Variants in TMPRSS15 observed in about 807,000 individuals in gnomAD.
The protein encoded by TMPRSS15 is enteropeptidase.
Under a neutral mutation model 125.3 loss-of-function variants are expected in TMPRSS15, and 128 were observed. The observed-to-expected ratio is 1.02, with a 90% CI of 0.89 to 1.18. The LOEUF is 1.18. TMPRSS15 is among the 50% of genes most tolerant of loss of function. TMPRSS15 has a pLI of 0.00. For missense variants in TMPRSS15, 1,283 were observed against 1,212.7 expected, an observed-to-expected ratio of 1.06 and a Z score of -0.86; for synonymous variants, 446 against 423.2, an observed-to-expected ratio of 1.05 and a Z score of -0.66.
intron 1 of TMPRSS15, among the ~76,000 whole-genome samples, chr21:18,473,237 G>A (rs1328632054): frequency 1.4e-4 from 22 of 152,014 alleles, no homozygotes; most frequent in Admixed American, 1.4e-3. Context: ...AGACAAGGGA[G>A]GTCATTGGCC....
chr21:18,363,234 C>T (rs1363760554), intron 7 of TMPRSS15, among the ~76,000 whole-genome samples: 1 of 152,032 alleles, frequency 6.6e-6, no homozygotes, highest in Non-Finnish European at 1.5e-5. Context: ...ATAAAGTACA[C>T]TGTTTTGGGG....
intron 1 of TMPRSS15, among the ~76,000 whole-genome samples, chr21:18,442,671 C>A (rs898633187): frequency 2.6e-5 from 4 of 152,152 alleles, no homozygotes; most frequent in African/African-American, 7.2e-5. Flanking sequence ...TCAAGGACAT[C>A]CAGCTAGTTG....
chr21:18,410,014 C>T lies in TMPRSS15; in HGVS notation c.11-11685G>A, dbSNP rs139435120. 7.3e-3 allele frequency among the ~76,000 whole-genome samples: 1,098 copies of T among 149,662 alleles called. 19 individuals are homozygous for T. Among genetic ancestry groups the T allele is most frequent in the African/African-American group, 0.024 (994 of 40,614 alleles). On this transcript the variant is annotated intron_variant, in intron 1 of 7. Transcript: ENST00000422787. ...TTCTTTCCATCTGGTTCATGCTTGT[C>T]GTAGTCCTACCTGTGTTATTTTTCA...
At chr21:18,461,811 A>G (rs2123275344) in intron 1 of TMPRSS15, among the ~76,000 whole-genome samples, 1 of 152,224 alleles carries the variant, frequency 6.6e-6, no homozygotes, top group Admixed American at 6.5e-5. Flanking sequence ...GTTATCAACG[A>G]TCTTTGGATA....
chr21:18,325,320 C>T (rs994287018), intron 16 of TMPRSS15, among the ~76,000 whole-genome samples: 6 of 151,804 alleles, frequency 4.0e-5, no homozygotes, highest in Non-Finnish European at 2.9e-5. Flanking sequence ...CCAGATTAAT[C>T]GATTGAGCTA....
At chr21:18,454,315 A>G (rs914372553) in intron 1 of TMPRSS15, among the ~76,000 whole-genome samples, 2 of 152,174 alleles carry the variant, frequency 1.3e-5, no homozygotes, top group South Asian at 2.1e-4. Context: ...AAGGATTCCA[A>G]CTAAGTTCTT....
chr21:18,269,870 G>GTAAC lies in TMPRSS15; in HGVS notation c.*95_*98dup. On this transcript the variant is annotated 3_prime_UTR_variant, in exon 25 of 25. Coordinates refer to ENST00000284885, the MANE Select transcript of TMPRSS15 (RefSeq NM_002772.3). ...ACATAGGTAAGAATAAAAACCTTTG[G>GTAAC]TAACTTTTTAAAATTTTTGTACGAA... is the stretch of plus-strand genomic sequence containing the variant. 3 of 1,470,408 alleles carry GTAAC rather than the reference G, an allele frequency of 2.0e-6. No individual in the cohort carries two copies. The highest frequency in any genetic ancestry group is 2.4e-5 in the South Asian group (2 of 81,732). 91.1% of individuals were successfully genotyped at this position (1,470,408 alleles called of 1,614,324 possible).
chr21:18,369,655 A>G (rs1442256250), intron 6 of TMPRSS15, among the ~76,000 whole-genome samples: 1 of 149,498 alleles, frequency 6.7e-6, no homozygotes, highest in Non-Finnish European at 1.5e-5. Flanking sequence ...AATCAATAAG[A>G]GAGAGAGAGA....
At chr21:18,443,140 A>G (rs2076246446) in intron 1 of TMPRSS15, among the ~76,000 whole-genome samples, 1 of 152,188 alleles carries the variant, frequency 6.6e-6, no homozygotes, top group African/African-American at 2.4e-5. Flanking sequence ...CAGAGAAACA[A>G]GAGATGAGGA....
Position 18,359,803 on chromosome 21 carries a change from A to G in TMPRSS15, c.834T>C (p.Asp278=). 1 of 1,521,476 alleles carries G rather than the reference A, an allele frequency of 6.6e-7. No individual in the cohort carries two copies. The highest frequency in any genetic ancestry group is 9.1e-7 in the Non-Finnish European group (1 of 1,098,368). The allele number at this position is 1,521,476 out of a possible 1,614,324, so 94.2% of individuals were successfully genotyped here. A position where few individuals can be genotyped will look rare whatever the true frequency, so the allele number is the denominator to read the frequency against. The change falls in exon 8 of 25, where the codon GAT becomes GAC. Residue 278 remains aspartate (D), a synonymous_variant. Coordinates refer to ENST00000284885, the MANE Select transcript of TMPRSS15 (RefSeq NM_002772.3). The stretch of plus-strand genomic sequence containing the variant: ...CTACACCTTCATAAATATCTAATAT[A>G]TCTGTATAATATGTATTAAAATCAT... ...SFDDFNTYYT[D]ILDIYEGVGS...
chr21:18,396,792 ATCTGTCTG>A lies in TMPRSS15; in HGVS notation c.344+1079_344+1086del, dbSNP rs796799787. ...CTGTCTCAAAAAAAAAAAAAAAAAAATCTGTCTGTCTGTCTGTCTATCTATCTATCTAT... is the reference window on the plus strand; with the variant it reads ...CTGTCTCAAAAAAAAAAAAAAAAAAATCTGTCTGTCTATCTATCTATCTAT... On this transcript the variant is annotated intron_variant, in intron 3 of 24. Coordinates refer to ENST00000284885, the MANE Select transcript of TMPRSS15 (RefSeq NM_002772.3). 6.5e-3 allele frequency among the ~76,000 whole-genome samples: 730 copies of A among 112,776 alleles called. 12 individuals carry two copies. Among genetic ancestry groups the A allele is most frequent in the African/African-American group, 0.024 (689 of 29,258 alleles). 74.0% of individuals were successfully genotyped at this position (112,776 alleles called of 152,430 possible). A position where few individuals can be genotyped will look rare whatever the true frequency, so the allele number is the denominator to read the frequency against.
At chr21:18,280,466 C>A (rs946967627) in intron 22 of TMPRSS15, among the ~76,000 whole-genome samples, 7 of 151,416 alleles carry the variant, frequency 4.6e-5, no homozygotes, top group Admixed American at 3.3e-4. Flanking sequence ...CCGTAGTCTA[C>A]CTGGGAGGCT....
Position 18,459,094 on chromosome 21 carries a change from G to T in TMPRSS15, c.10+26705C>A, listed in dbSNP as rs902083609. ...TATATGGTGTGCATAGGTATATAAAGTGTACAAGGTCAAGTTTAGTTTTAT... is the reference window on the plus strand; with the variant it reads ...TATATGGTGTGCATAGGTATATAAATTGTACAAGGTCAAGTTTAGTTTTAT... On this transcript the variant is annotated intron_variant, in intron 1 of 7. Coordinates refer to the TMPRSS15 transcript ENST00000422787. Among the ~76,000 whole-genome samples the T allele has an allele frequency of 2.6e-5, 4 of 152,120 alleles. No homozygotes were observed. The South Asian group carries it at 8.3e-4, about 32-fold the overall frequency.
chr21:18,387,738 T>C (rs2075957973), intron 3 of TMPRSS15, among the ~76,000 whole-genome samples: 1 of 152,082 alleles, frequency 6.6e-6, no homozygotes. Flanking sequence ...GTTCAATGAC[T>C]AAATCTAGTA....
chr21:18,297,155 T>G (rs1056584723), intron 19 of TMPRSS15, among the ~76,000 whole-genome samples: 13 of 152,202 alleles, frequency 8.5e-5, no homozygotes, highest in African/African-American at 3.1e-4. Context: ...AACAGATCTT[T>G]GAATACAGGA....
intron 16 of TMPRSS15, among the ~76,000 whole-genome samples, chr21:18,319,846 CAAT>C (rs1478630849): frequency 1.3e-5 from 2 of 152,148 alleles, no homozygotes; most frequent in Non-Finnish European, 2.9e-5. Context: ...TATCTTACAA[CAAT>C]AATTGGAGCT....
chr21:18,484,884 C>T (rs1017615987), intron 1 of TMPRSS15, among the ~76,000 whole-genome samples: 2 of 151,492 alleles, frequency 1.3e-5, no homozygotes, highest in Non-Finnish European at 3.0e-5. Context: ...TGTAAGGTTG[C>T]CTTAACTGTC....
chr21:18,329,438 TTTTTC>T, intron 14 of TMPRSS15, 144 bp from the exon 15 acceptor site: 1 of 748,012 alleles, frequency 1.3e-6, no homozygotes, highest in South Asian at 2.4e-5. Flanking sequence ...AGGTGTTTCT[TTTTTC>T]TTTTCATTAT....
chr21:18,396,631 G>A (rs1373068659), intron 3 of TMPRSS15, among the ~76,000 whole-genome samples: 3 of 151,802 alleles, frequency 2.0e-5, no homozygotes, highest in Non-Finnish European at 2.9e-5. Flanking sequence ...AAAATTAGCC[G>A]GGTATGGTGG....
Sources: allele counts gnomAD v4.1 joint callset (sites outside exome capture counted in the v4.1 genomes callset), GRCh38; gene constraint gnomAD v4.1.1; transcripts MANE v1.5; gene names NCBI Gene and HGNC (gene_info 2026-07-23, HGNC 2026-07-21).